ERBB4: variants seen among roughly 807,000 people sequenced by gnomAD.
ERBB4 encodes receptor tyrosine-protein kinase erbB-4.
In ERBB4, 42 loss-of-function variants were observed where a neutral mutation model predicts 158.0. The observed-to-expected ratio is 0.27, with a 90% CI of 0.21 to 0.34. The LOEUF (loss-of-function observed/expected upper bound fraction) is 0.34, where lower values mean the gene tolerates loss of function less well. Ranked by LOEUF, ERBB4 falls within the 10% of genes least tolerant of loss-of-function variation. The pLI is 1.00. For missense variants in ERBB4, 1,333 were observed against 1,624.1 expected (o/e 0.82, Z 3.08); for synonymous variants, 583 against 558.7 (o/e 1.04, Z -0.61).
intron 20 of ERBB4, among the ~76,000 whole-genome samples, chr2:211,489,833 A>G (rs919546455): frequency 1.3e-5 from 2 of 152,070 alleles, no homozygotes; most frequent in Admixed American, 6.6e-5. Flanking sequence ...TCTCCATCAC[A>G]TCAAGGAGAT....
At chr2:211,478,173 C>A (rs2065002601) in intron 20 of ERBB4, among the ~76,000 whole-genome samples, 1 of 152,116 alleles carries the variant, frequency 6.6e-6, no homozygotes. Context: ...AGAATGAGAA[C>A]TGAGCAAGGT....
At position 211,444,493 on chromosome 2, in the gene ERBB4, T is replaced by C. The variant is rs574413941; in HGVS notation, c.2488-13393A>G. ...ATTCACATTTTTAAAATTTTACTTT[T>C]GCCTCTTAGAAATACCTTACAAATG... On this transcript the variant is annotated intron_variant, in intron 20 of 27. Coordinates refer to ENST00000342788, the MANE Select transcript of ERBB4 (RefSeq NM_005235.3). Among the ~76,000 whole-genome samples, 605 of 152,216 alleles carry C rather than the reference T, an allele frequency of 4.0e-3. 2 individuals are homozygous for C. Among genetic ancestry groups the C allele is most frequent in the African/African-American group, 0.013 (560 of 41,572 alleles).
intron 15 of ERBB4, 44 bp from the exon 16 acceptor site, chr2:211,657,872 GTGACA>G (rs769062132): frequency 6.2e-7 from 1 of 1,604,928 alleles, no homozygotes; most frequent in South Asian, 1.1e-5. Context: ...TCCATCCACA[GTGACA>G]TGCACACACA....
chr2:212,157,819 G>T (rs1036003276), intron 1 of ERBB4, among the ~76,000 whole-genome samples: 21 of 152,134 alleles, frequency 1.4e-4, no homozygotes, highest in Admixed American at 2.6e-4. Context: ...TTCTACTTAA[G>T]CCAGAGCTCT....
At chr2:212,501,477 A>G (rs1357634949) in intron 1 of ERBB4, among the ~76,000 whole-genome samples, 2 of 152,214 alleles carry the variant, frequency 1.3e-5, no homozygotes, top group African/African-American at 4.8e-5. Flanking sequence ...GCTGCATAAC[A>G]AATCCAGGGA....
chr2:212,414,185 T>C (rs779252906), intron 1 of ERBB4, among the ~76,000 whole-genome samples: 2 of 152,226 alleles, frequency 1.3e-5, no homozygotes, highest in African/African-American at 2.4e-5. Context: ...TAAAAATCTT[T>C]TAAATTTCAA....
At chr2:211,910,917 T>A (rs2079526037) in intron 3 of ERBB4, among the ~76,000 whole-genome samples, 1 of 152,196 alleles carries the variant, frequency 6.6e-6, no homozygotes, top group Admixed American at 6.5e-5. Flanking sequence ...ATAATGTGAC[T>A]ATATTATTTT....
chr2:212,003,256 G>GGAAGGAAGGAAGGAAGGAAGGAAA (rs1553533251), intron 2 of ERBB4, among the ~76,000 whole-genome samples: 1 of 92,432 alleles, frequency 1.1e-5, no homozygotes. Context: ...AAGGAAGGAA[G>GGAAGGAAGGAAGGAAGGAAGGAAA]GAAAGAGAGA....
chr2:211,919,469 T>C (rs1158116862), intron 3 of ERBB4, among the ~76,000 whole-genome samples: 1 of 152,026 alleles, frequency 6.6e-6, no homozygotes, highest in Non-Finnish European at 1.5e-5. Context: ...AGTAGTCACT[T>C]AAATAAAAAT....
chr2:211,902,312 G>GT lies in ERBB4; in HGVS notation c.421+45117dup, dbSNP rs1054975990. ...ACGGTATAACGGTATTTTAAGGGGA[G>GT]TTTTTTCTAACAGTAAACACAGAAA... On this transcript the variant is annotated intron_variant, in intron 3 of 27. Transcript: ENST00000342788. 5.3e-5 allele frequency among the ~76,000 whole-genome samples: 8 copies of GT among 152,050 alleles called. No homozygotes were observed. The East Asian group carries it at 1.4e-3, about 26-fold the overall frequency.
intron 1 of ERBB4, among the ~76,000 whole-genome samples, chr2:212,474,539 C>T (rs966344325): frequency 2.6e-5 from 4 of 152,058 alleles, no homozygotes; most frequent in African/African-American, 9.7e-5. Context: ...GGGGCATGGG[C>T]TTTGGAGACC....
chr2:211,397,671 T>C (rs913085727), intron 25 of ERBB4, among the ~76,000 whole-genome samples: 1 of 152,126 alleles, frequency 6.6e-6, no homozygotes, highest in Admixed American at 6.6e-5. Flanking sequence ...CTAAGGTTGA[T>C]TTTGCAGTTT....
chr2:211,566,758 T>G (rs1482167156), intron 19 of ERBB4, among the ~76,000 whole-genome samples: 1 of 152,144 alleles, frequency 6.6e-6, no homozygotes, highest in African/African-American at 2.4e-5. Flanking sequence ...TAATTATATA[T>G]TTAATTGTGT....
chr2:212,241,200 C>T (rs1390997201), intron 1 of ERBB4, among the ~76,000 whole-genome samples: 3 of 151,738 alleles, frequency 2.0e-5, no homozygotes, highest in Admixed American at 6.6e-5. Flanking sequence ...GAGGCTGCAG[C>T]GGGCTATGAT....
Position 212,265,541 on chromosome 2 carries a change from T to C in ERBB4, c.83-140638A>G, listed in dbSNP as rs144998933. On this transcript the variant is annotated intron_variant, in intron 1 of 27. Transcript: ENST00000342788. The stretch of plus-strand genomic sequence containing the variant: ...TCTCATTGGCTTTGGGGGTCTCTAA[T>C]GTTTCTTTAAAATATAATCATATCT... Among the ~76,000 whole-genome samples, 65 of 152,184 alleles carry C rather than the reference T, an allele frequency of 4.3e-4. 1 individual carries two copies. Among genetic ancestry groups the C allele is most frequent in the Admixed American group, 9.2e-4 (14 of 15,264 alleles).
At chr2:212,492,396 T>C (rs1244105108) in intron 1 of ERBB4, among the ~76,000 whole-genome samples, 1 of 149,660 alleles carries the variant, frequency 6.7e-6, no homozygotes, top group Non-Finnish European at 1.5e-5. Context: ...TAATCTAAAA[T>C]AAATTTAAAA....
At chr2:211,675,185 A>G (rs1038548756) in intron 13 of ERBB4, among the ~76,000 whole-genome samples, 14 of 149,624 alleles carry the variant, frequency 9.4e-5, no homozygotes, top group Admixed American at 8.1e-4. Context: ...AACAATTTAT[A>G]GTCTATTAAG....
intron 25 of ERBB4, among the ~76,000 whole-genome samples, chr2:211,414,214 C>T (rs1041805478): frequency 1.3e-5 from 2 of 151,970 alleles, no homozygotes; most frequent in African/African-American, 2.4e-5. Context: ...GAAAATACAG[C>T]GTGACCTGGC....
At chr2:211,725,005 T>C in intron 6 of ERBB4, 71 bp downstream of exon 6, 2 of 1,141,788 alleles carry the variant, frequency 1.8e-6, no homozygotes, top group East Asian at 4.7e-5. Context: ...AAGACAAAGA[T>C]TCAGTATGCC....
Sources: gnomAD v4.1 joint callset for allele counts (sites outside exome capture counted in the v4.1 genomes callset) on GRCh38, gnomAD v4.1.1 for gene constraint, MANE v1.5 for transcripts, NCBI Gene and HGNC (gene_info 2026-07-23, HGNC 2026-07-21) for gene names.